Variants in RAPGEF1 observed in about 807,000 individuals in gnomAD.
The protein encoded by RAPGEF1 is Rap guanine nucleotide exchange factor 1.
Under a neutral mutation model 143.3 loss-of-function variants are expected in RAPGEF1, and 33 were observed. That is an observed-to-expected ratio of 0.23 (90% confidence interval 0.17 to 0.31). The LOEUF is 0.31. Ranked by LOEUF, RAPGEF1 falls within the 10% of genes least tolerant of loss-of-function variation. RAPGEF1 has a pLI of 1.00. For synonymous variants in RAPGEF1, 629 were observed against 676.5 expected (o/e 0.93, Z 1.09); for missense variants, 1,199 against 1,645.4 (o/e 0.73, Z 4.69).
At chr9:131,635,481 G>C (rs1230345552) in intron 5 of RAPGEF1, among the ~76,000 whole-genome samples, 3 of 151,972 alleles carry the variant, frequency 2.0e-5, no homozygotes, top group Non-Finnish European at 2.9e-5. Flanking sequence ...CGGTGAGTCA[G>C]TGTAAGAACG....
intron 1 of RAPGEF1, among the ~76,000 whole-genome samples, chr9:131,691,044 G>A (rs1251495000): frequency 6.6e-6 from 1 of 152,070 alleles, no homozygotes; most frequent in African/African-American, 2.4e-5. Context: ...CTTGCGCTTT[G>A]CATTTTCTTT....
intron 1 of RAPGEF1, among the ~76,000 whole-genome samples, chr9:131,730,848 G>A (rs1024822134): frequency 1.3e-5 from 2 of 152,046 alleles, no homozygotes; most frequent in African/African-American, 4.8e-5. Flanking sequence ...CAAGGCTTCC[G>A]CAGCCCCCTG....
intron 1 of RAPGEF1, among the ~76,000 whole-genome samples, chr9:131,723,205 T>C (rs1436901161): frequency 1.3e-5 from 2 of 152,012 alleles, no homozygotes; most frequent in African/African-American, 4.8e-5. Context: ...AATAAATAAA[T>C]AAATAAATAA....
chr9:131,636,110 T>C (rs1334378515), intron 5 of RAPGEF1, among the ~76,000 whole-genome samples: 1 of 152,192 alleles, frequency 6.6e-6, no homozygotes, highest in Non-Finnish European at 1.5e-5. Flanking sequence ...TCATACCCTT[T>C]CATCACACCC....
At chr9:131,694,260 G>A (rs899166847) in intron 1 of RAPGEF1, among the ~76,000 whole-genome samples, 1 of 152,182 alleles carries the variant, frequency 6.6e-6, no homozygotes. Context: ...TTCAGTCAGG[G>A]TTCCAGCAGA....
intron 12 of RAPGEF1, among the ~76,000 whole-genome samples, chr9:131,610,858 T>G (rs1468568951): frequency 1.3e-5 from 2 of 152,236 alleles, no homozygotes. Context: ...GATTTGATTC[T>G]TATAGAGATG....
chr9:131,587,885 G>T, intron 21 of RAPGEF1, 55 bp from the exon 22 acceptor site: 11 of 1,599,724 alleles, frequency 6.9e-6, no homozygotes, highest in Non-Finnish European at 9.4e-6. Context: ...CCCTGATGGG[G>T]GTTTCTCTCA....
At chr9:131,581,757 T>C (rs13287332) in intron 25 of RAPGEF1, among the ~76,000 whole-genome samples, 30,923 of 152,136 alleles carry the variant, frequency 0.2, 4,386 homozygotes, top group African/African-American at 0.4. Flanking sequence ...TGCTTCTGAC[T>C]GCAGAGGACT....
rs370522806 is a variant in RAPGEF1 at position 131,605,133 on chromosome 9, G to C, written c.2117C>G (p.Ser706Cys). Residue 706 changes from serine to cysteine, a missense_variant, in exon 13 of 27, where the codon TCC becomes TGC. Coordinates refer to ENST00000683357, the MANE Select transcript of RAPGEF1 (RefSeq NM_001377935.1). ...GGTAGGCGGAAGGAAAGGCGGAACG[G>C]AAGCTTGGTGGTGAGGCACGAAATC... ...SQDFVPHHQASVPPFLPPTSS... is the reference protein window; with the variant it reads ...SQDFVPHHQACVPPFLPPTSS... The C allele has an allele frequency of 7.9e-4, 1,072 of 1,363,158 alleles. No individual in the cohort carries two copies. Among genetic ancestry groups the C allele is most frequent in the Non-Finnish European group, 9.8e-4 (997 of 1,020,330 alleles). The allele number at this position is 1,363,158 out of a possible 1,614,324, so 84.4% of individuals were successfully genotyped here. A position where few individuals can be genotyped will look rare whatever the true frequency, so the allele number is the denominator to read the frequency against.
At chr9:131,699,471 C>T (rs1376616052) in intron 1 of RAPGEF1, among the ~76,000 whole-genome samples, 3 of 152,060 alleles carry the variant, frequency 2.0e-5, no homozygotes, top group East Asian at 1.9e-4. Flanking sequence ...CTCAAACTCC[C>T]GACCTTAGGT....
At chr9:131,737,236 G>C (rs373748359) in intron 1 of RAPGEF1, among the ~76,000 whole-genome samples, 1 of 152,224 alleles carries the variant, frequency 6.6e-6, no homozygotes, top group East Asian at 1.9e-4. Context: ...CTCACAAAAT[G>C]CATCTTCCTC....
intron 22 of RAPGEF1, among the ~76,000 whole-genome samples, chr9:131,585,366 G>GA (rs75851903): frequency 0.066 from 10,000 of 151,652 alleles, 648 homozygotes; most frequent in African/African-American, 0.17. Context: ...TTTTGTAGGG[G>GA]GGGGGCGTCT....
chr9:131,664,613 A>G lies in RAPGEF1; in HGVS notation c.62-13664T>C, dbSNP rs746416130. Among the ~76,000 whole-genome samples, 9 of 152,330 alleles carry G rather than the reference A, an allele frequency of 5.9e-5. No homozygotes were observed. The South Asian group carries it at 1.9e-3, about 32-fold the overall frequency. On this transcript the variant is annotated intron_variant, in intron 1 of 26. Coordinates refer to ENST00000683357, the MANE Select transcript of RAPGEF1 (RefSeq NM_001377935.1). Reference sequence around the variant, plus strand: ...AATCTATTCATTTGCCTTATCCTACAATAAACACAAAATTTCTTCAGAATT... The same window carrying G: ...AATCTATTCATTTGCCTTATCCTACGATAAACACAAAATTTCTTCAGAATT...
At chr9:131,682,094 G>A (rs1298690246) in intron 1 of RAPGEF1, among the ~76,000 whole-genome samples, 1 of 152,164 alleles carries the variant, frequency 6.6e-6, no homozygotes, top group African/African-American at 2.4e-5. Context: ...GCAAGACTGA[G>A]AGTGGATAAA....
At chr9:131,714,277 A>T (rs1835704714) in intron 1 of RAPGEF1, among the ~76,000 whole-genome samples, 1 of 152,142 alleles carries the variant, frequency 6.6e-6, no homozygotes, top group African/African-American at 2.4e-5. Context: ...TGTTGGCTCC[A>T]GACGAACTCT....
rs1227816118 is a variant in RAPGEF1, at chr9:131,580,487, G to A, written c.3513-96C>T. 5 of 1,405,962 alleles carry A rather than the reference G, an allele frequency of 3.6e-6. No homozygotes were observed. In the African/African-American group the frequency reaches 7.1e-5, roughly 20 times the overall value. The allele number at this position is 1,405,962 out of a possible 1,614,324, so 87.1% of individuals were successfully genotyped here. A position where few individuals can be genotyped will look rare whatever the true frequency, so the allele number is the denominator to read the frequency against. ...CAGGCGCTAGGACTCGCAGTGAGCA[G>A]CTTCCAAACCCCAGAGCAAACCAAA... On this transcript the variant is annotated intron_variant, in intron 25 of 26. Transcript: ENST00000683357.
chr9:131,636,492 T>C (rs1966411442), intron 5 of RAPGEF1, among the ~76,000 whole-genome samples: 1 of 152,220 alleles, frequency 6.6e-6, no homozygotes, highest in African/African-American at 2.4e-5. Context: ...GCCTTTCTAC[T>C]AATGAAGTGG....
Position 131,650,681 on chromosome 9 carries a change from C to T in RAPGEF1, c.201+129G>A. The stretch of plus-strand genomic sequence containing the variant: ...TTTTACAAGGACACCAAAGGTCCCG[C>T]CCATGGAATGCTACGAAGTAGGTAT... On this transcript the variant is annotated intron_variant, in intron 2 of 26. Transcript: ENST00000683357. This position sits in a 1 kb window ranked among gnomAD's most constrained non-coding sequence, Gnocchi z 4.7. 7.4e-7 allele frequency: 1 copy of T among 1,358,700 alleles called. No homozygotes were observed. The highest frequency in any genetic ancestry group is 1.4e-5 in the South Asian group (1 of 70,940). 84.2% of individuals were successfully genotyped at this position (1,358,700 alleles called of 1,614,324 possible).
rs569789007 is a variant in RAPGEF1, at chr9:131,650,479, G to C, written c.202-237C>G. Among the ~76,000 whole-genome samples, 3 of 152,248 alleles carry C rather than the reference G, an allele frequency of 2.0e-5. No individual in the cohort carries two copies. The highest frequency in any genetic ancestry group is 4.4e-5 in the Non-Finnish European group (3 of 68,042). The stretch of plus-strand genomic sequence containing the variant: ...ACATCACAGAGTTCCCTGTGTTTGA[G>C]TGTGCGCCAAGGCAACGTAGGGAAC... On this transcript the variant is annotated intron_variant, in intron 2 of 26. Coordinates refer to ENST00000683357, the MANE Select transcript of RAPGEF1 (RefSeq NM_001377935.1). The surrounding 1 kb of genome is among the most constrained non-coding windows in gnomAD (Gnocchi z 4.7).
Sources: gnomAD v4.1 joint callset for allele counts (sites outside exome capture counted in the v4.1 genomes callset) on GRCh38, gnomAD v4.1.1 for gene constraint, Gnocchi (gnomAD v3.1) non-coding constraint, MANE v1.5 for transcripts, NCBI Gene and HGNC (gene_info 2026-07-23, HGNC 2026-07-21) for gene names.